Variants in ZNF208 observed in about 807,000 individuals in gnomAD.
The protein encoded by ZNF208 is zinc finger protein 95.
Under a neutral mutation model 12.1 loss-of-function variants are expected in ZNF208, and 10 were observed. The ratio of observed to expected loss-of-function variants is 0.83; its 90% confidence interval spans 0.51 to 1.40. The LOEUF is 1.40. Ranked by LOEUF, ZNF208 falls within the 40% of genes most tolerant of loss-of-function variation. ZNF208 has a pLI of 0.00. For synonymous variants in ZNF208, 497 were observed against 488.4 expected, an observed-to-expected ratio of 1.02 and a Z score of -0.23; for missense variants, 1,652 against 1,485.0, an observed-to-expected ratio of 1.11 and a Z score of -1.85.
chr19:21,955,807 C>T (rs1168974627), intron 4 of ZNF208, among the ~76,000 whole-genome samples: 1 of 152,156 alleles, frequency 6.6e-6, no homozygotes, highest in Non-Finnish European at 1.5e-5. Context: ...TTTGTTATTA[C>T]CAATCGTCTG....
At chr19:21,955,376 C>A (rs978744968) in intron 4 of ZNF208, among the ~76,000 whole-genome samples, 1 of 152,124 alleles carries the variant, frequency 6.6e-6, no homozygotes, top group African/African-American at 2.4e-5. Context: ...TGTTGGCCTG[C>A]CTTGCTGGGT....
chr19:21,968,745 C>T lies in ZNF208; in HGVS notation c.*2446G>A, dbSNP rs1281572644. Among the ~76,000 whole-genome samples the T allele has an allele frequency of 2.8e-5, 4 of 142,304 alleles. No individual in the cohort carries two copies. The highest frequency in any genetic ancestry group is 6.1e-5 in the Non-Finnish European group (4 of 65,988). The allele number at this position is 142,304 out of a possible 152,430, so 93.4% of individuals were successfully genotyped here. The stretch of plus-strand genomic sequence containing the variant: ...AATCCCACCTTGATTTTTTCGAATG[C>T]ATTCAGTAGGCTTAGGTAAAACTCT... On this transcript the variant is annotated 3_prime_UTR_variant, in exon 4 of 4. Transcript: ENST00000397126.
chr19:21,994,758 G>A (rs202174719), intron 1 of ZNF208, among the ~76,000 whole-genome samples: 7 of 151,960 alleles, frequency 4.6e-5, no homozygotes, highest in East Asian at 3.9e-4. Flanking sequence ...TGACTCTTCC[G>A]TTTATAAGTT....
Position 21,970,756 on chromosome 19 carries a change from C to A in ZNF208, c.*435G>T, listed in dbSNP as rs1268672099. The A allele has an allele frequency of 7.3e-7, 1 of 1,370,336 alleles. No homozygotes were observed. Among genetic ancestry groups the A allele is most frequent in the African/African-American group, 1.4e-5 (1 of 69,564 alleles). 84.9% of individuals were successfully genotyped at this position (1,370,336 alleles called of 1,614,324 possible). On this transcript the variant is annotated 3_prime_UTR_variant, in exon 4 of 4. Coordinates refer to ENST00000397126, the MANE Select transcript of ZNF208 (RefSeq NM_007153.3). ...GTTGGGAACTGTTTAAAAGCTTTGC[C>A]AAATTCTTCACATTTTTAGAATTTC...
chr19:21,966,090 T>C (rs1395517252), downstream of ZNF208: 3 of 137,556 alleles, frequency 2.2e-5, no homozygotes. Context: ...AAATAGAACA[T>C]GTCATTATAC....
Position 21,974,133 on chromosome 19 carries a change from T to C in ZNF208, c.901A>G (p.Thr301Ala). ...GKAFSKVSTL[T>A]THKAIHAGEK... ...CCAGCATGAATTGCCTTATGTGTAG[T>C]AAGAGTCGAGACCTTACTAAAGGCT... Residue 301 changes from threonine to alanine, a missense_variant, in exon 4 of 4, where the codon ACT (threonine) becomes GCT (alanine). Thr to Ala is a moderately conservative substitution (Grantham distance 58). This residue lies in a region of ZNF208 where 410 missense variants were observed against 378.2 expected (regional missense o/e 1.08). Coordinates refer to ENST00000397126, the MANE Select transcript of ZNF208 (RefSeq NM_007153.3). The C allele has an allele frequency of 2.5e-6, 4 of 1,610,000 alleles. No individual in the cohort carries two copies. The highest frequency in any genetic ancestry group is 3.4e-6 in the Non-Finnish European group (4 of 1,178,206).
At chr19:21,988,122 C>T (rs1444474695) in intron 2 of ZNF208, among the ~76,000 whole-genome samples, 3 of 152,022 alleles carry the variant, frequency 2.0e-5, no homozygotes, top group African/African-American at 7.2e-5. Context: ...TGCCAGTAAA[C>T]TTTTGAAATT....
chr19:21,980,713 G>C (rs1347003885), intron 3 of ZNF208, among the ~76,000 whole-genome samples: 1 of 151,966 alleles, frequency 6.6e-6, no homozygotes, highest in African/African-American at 2.4e-5. Context: ...AAATAACTAA[G>C]AAAAGAGCAG....
At chr19:22,006,492 C>T (rs8103464) in intron 1 of ZNF208, among the ~76,000 whole-genome samples, 18,455 of 151,994 alleles carry the variant, frequency 0.12, 1,493 homozygotes, top group Non-Finnish European at 0.18. Context: ...TTTAGGGTTC[C>T]GTAAGACACC....
intron 3 of ZNF208, among the ~76,000 whole-genome samples, chr19:21,977,964 C>G (rs548808019): frequency 2.0e-5 from 3 of 152,076 alleles, no homozygotes; most frequent in Non-Finnish European, 2.9e-5. Context: ...CAAAGCCACC[C>G]GGAAGATTGA....
rs1228666069 is a variant in ZNF208, at chr19:21,972,783, A to G, written c.2251T>C (p.Cys751Arg). 1.2e-6 allele frequency: 2 copies of G among 1,611,724 alleles called. No individual in the cohort carries two copies. The highest frequency in any genetic ancestry group is 1.7e-6 in the Non-Finnish European group (2 of 1,179,854). The change falls in exon 4 of 4, where the codon TGT becomes CGT. Residue 751 changes from cysteine (C) to arginine (R), a missense_variant. By Grantham distance (180) the Cys-to-Arg change is radical. Around this residue, in one of 3 missense-constraint regions of ZNF208, gnomAD observed 1,239 missense variants for 1,086.2 expected, o/e 1.14. Coordinates refer to ENST00000397126, the MANE Select transcript of ZNF208 (RefSeq NM_007153.3). ...VIHTGEKPYK[C>R]EECGKAYKWS... ...TTATAGGCTTTGCCACATTCTTCAC[A>G]TTTGTAGGGTTTCTCTCCAGTATGA...
rs1172028955 is a variant in ZNF208 at position 21,968,970 on chromosome 19, G to A, written c.*2221C>T. ...GTGGCCAAGGTGGGCATATCATGAG[G>A]TCAGGAGATAGAGACCGTCCTGGCT... On this transcript the variant is annotated 3_prime_UTR_variant, in exon 4 of 4. Coordinates refer to ENST00000397126, the MANE Select transcript of ZNF208 (RefSeq NM_007153.3). Among the ~76,000 whole-genome samples, 4 of 152,084 alleles carry A rather than the reference G, an allele frequency of 2.6e-5. No individual in the cohort carries two copies. Among genetic ancestry groups the A allele is most frequent in the Non-Finnish European group, 5.9e-5 (4 of 68,000 alleles).
downstream of ZNF208, among the ~76,000 whole-genome samples, chr19:21,963,620 C>T (rs1970114204): frequency 6.6e-6 from 1 of 151,928 alleles, no homozygotes; most frequent in South Asian, 2.1e-4. Flanking sequence ...ATTGAACTGT[C>T]ATTTGCATAG....
At chr19:21,947,973 G>A (rs1969838024) in intron 4 of ZNF208, among the ~76,000 whole-genome samples, 1 of 152,110 alleles carries the variant, frequency 6.6e-6, no homozygotes, top group Non-Finnish European at 1.5e-5. Flanking sequence ...AGCTCCTCTG[G>A]ACCCATGGGT....
downstream of ZNF208, among the ~76,000 whole-genome samples, chr19:21,964,163 T>C (rs953094883): frequency 6.6e-6 from 1 of 151,366 alleles, no homozygotes; most frequent in African/African-American, 2.4e-5. Flanking sequence ...TAAGAGAGAG[T>C]GAAGTAAGAT....
intron 1 of ZNF208, among the ~76,000 whole-genome samples, chr19:22,007,676 C>A (rs2145589310): frequency 6.6e-6 from 1 of 151,744 alleles, no homozygotes; most frequent in South Asian, 2.1e-4. Flanking sequence ...ACCTTTCAAG[C>A]CCTACTAATA....
chr19:21,979,554 G>A (rs1438072728), intron 3 of ZNF208, among the ~76,000 whole-genome samples: 5 of 152,190 alleles, frequency 3.3e-5, no homozygotes, highest in African/African-American at 7.2e-5. Flanking sequence ...CACCAGGCCT[G>A]CCTTACAAGA....
At chr19:21,956,396 T>C (rs1395064487) in intron 4 of ZNF208, among the ~76,000 whole-genome samples, 1 of 152,090 alleles carries the variant, frequency 6.6e-6, no homozygotes, top group Non-Finnish European at 1.5e-5. Flanking sequence ...TCTGCAGAAG[T>C]TTCTGCTCCC....
chr19:21,947,966 T>G (rs1334091644), intron 4 of ZNF208, among the ~76,000 whole-genome samples: 2 of 152,066 alleles, frequency 1.3e-5, no homozygotes, highest in Non-Finnish European at 2.9e-5. Context: ...GCCAACGAGC[T>G]CCTCTGGACC....
Sources: allele counts gnomAD v4.1 joint callset (sites outside exome capture counted in the v4.1 genomes callset), GRCh38; gene constraint gnomAD v4.1.1; regional missense constraint gnomAD v4.1.1; transcripts MANE v1.5; gene names NCBI Gene and HGNC (gene_info 2026-07-23, HGNC 2026-07-21).